URB1: variants seen among roughly 807,000 people sequenced by gnomAD.
URB1 encodes nucleolar pre-ribosomal-associated protein 1.
In URB1, 197 loss-of-function variants were observed where a neutral mutation model predicts 242.3. The ratio of observed to expected loss-of-function variants is 0.81; its 90% CI spans 0.72 to 0.91. The LOEUF (loss-of-function observed/expected upper bound fraction) is 0.91. Ranked by LOEUF, URB1 falls within the 40% of genes least tolerant of loss-of-function variation. The probability of loss-of-function intolerance (pLI) is 0.00; values close to 1 mark genes in which losing one functional copy is unlikely to be tolerated. For synonymous variants in URB1, 1,153 were observed against 1,201.8 expected (o/e 0.96, Z 0.84); for missense variants, 2,721 against 2,860.5 (o/e 0.95, Z 1.11).
rs78380467 is a variant in URB1 at position 32,377,839 on chromosome 21, G to T, written c.664+606C>A. On this transcript the variant is annotated intron_variant, in intron 5 of 38. Coordinates refer to ENST00000382751, the MANE Select transcript of URB1 (RefSeq NM_014825.3). ...GGGACTGCTCCTCACCTCCAGACAG[G>T]CCAGGATTCCAGGGAATCTTACCGA... is the stretch of plus-strand genomic sequence containing the variant. Among the ~76,000 whole-genome samples the T allele has an allele frequency of 7.5e-3, 1,141 of 152,212 alleles. 16 individuals carry two copies. Among genetic ancestry groups the T allele is most frequent in the Middle Eastern group, 0.031 (9 of 294 alleles).
At chr21:32,383,585 G>A (rs1468835487) in intron 3 of URB1, 31 bp from the exon 4 acceptor site, 19 of 1,540,494 alleles carry the variant, frequency 1.2e-5, no homozygotes, top group African/African-American at 4.1e-5. Context: ...AATCGGACAC[G>A]TCAACAACAG....
intron 33 of URB1, 24 bp from the exon 34 acceptor site, chr21:32,321,968 CTG>C (rs1568808341): frequency 1.3e-6 from 2 of 1,548,442 alleles, no homozygotes; most frequent in Non-Finnish European, 1.7e-6. Context: ...ACACAAAAAA[CTG>C]TTGTTAATAA....
intron 1 of URB1, 97 bp downstream of exon 1, chr21:32,392,672 G>T: frequency 7.5e-7 from 1 of 1,331,732 alleles, no homozygotes; most frequent in South Asian, 1.9e-5. Flanking sequence ...GAGCCTATGT[G>T]ACCCGAAAGC....
intron 9 of URB1, among the ~76,000 whole-genome samples, chr21:32,367,933 G>A (rs1568827438): frequency 1.3e-5 from 2 of 152,134 alleles, no homozygotes; most frequent in African/African-American, 2.4e-5. Flanking sequence ...AAGGCAAAAC[G>A]CTATAGAAGA....
intron 5 of URB1, among the ~76,000 whole-genome samples, chr21:32,378,205 A>T (rs75836378): frequency 8.5e-5 from 13 of 152,254 alleles, no homozygotes; most frequent in Non-Finnish European, 1.8e-4. Flanking sequence ...CTGTGACGGC[A>T]TTGTTCAGCA....
At chr21:32,350,465 A>T (rs968671962) in intron 20 of URB1, among the ~76,000 whole-genome samples, 1 of 152,210 alleles carries the variant, frequency 6.6e-6, no homozygotes, top group Admixed American at 6.5e-5. Context: ...CTACTGTAGG[A>T]AGGGCTCTGT....
intron 8 of URB1, among the ~76,000 whole-genome samples, chr21:32,369,598 T>A (rs531525516): frequency 5.9e-5 from 9 of 152,270 alleles, no homozygotes; most frequent in Non-Finnish European, 1.2e-4. Flanking sequence ...TAGCTGGGAC[T>A]AGAGGTGCAC....
chr21:32,337,766 A>G (rs1362734929), intron 26 of URB1, among the ~76,000 whole-genome samples: 3 of 151,398 alleles, frequency 2.0e-5, no homozygotes, highest in African/African-American at 4.9e-5. Context: ...AGCTCAAGCA[A>G]TCCTCCTTGG....
intron 4 of URB1, among the ~76,000 whole-genome samples, chr21:32,381,428 A>T (rs1324201471): frequency 3.5e-5 from 3 of 86,900 alleles, no homozygotes; most frequent in African/African-American, 1.9e-4. Context: ...ATATTCATTA[A>T]AAAAAAAAAA....
At chr21:32,361,156 G>GAAAA (rs145739787) in intron 12 of URB1, 33 bp from the exon 13 acceptor site, 3 of 381,680 alleles carry the variant, frequency 7.9e-6, no homozygotes, top group Non-Finnish European at 1.2e-5. Flanking sequence ...AAGAAAAAGA[G>GAAAA]AAAAAAGAAA....
chr21:32,334,668 G>A (rs1319769708), intron 28 of URB1, among the ~76,000 whole-genome samples: 1 of 152,146 alleles, frequency 6.6e-6, no homozygotes, highest in Non-Finnish European at 1.5e-5. Flanking sequence ...TTGTGCAAAT[G>A]GGGGAAAGAG....
rs1007092500 is a variant in URB1, at chr21:32,359,031, C to A, written c.1869+765G>T. Reference sequence around the variant, plus strand: ...ATGCAGGGAAGCCTCAGAACGGGGACTCGAGGGAGAGACACATAGTCCCAG... The same window carrying A: ...ATGCAGGGAAGCCTCAGAACGGGGAATCGAGGGAGAGACACATAGTCCCAG... On this transcript the variant is annotated intron_variant, in intron 14 of 38. Transcript: ENST00000382751. Among the ~76,000 whole-genome samples the A allele has an allele frequency of 7.2e-5, 11 of 152,168 alleles. 1 individual carries two copies. The highest frequency in any genetic ancestry group is 1.6e-4 in the Non-Finnish European group (11 of 68,038).
chr21:32,388,774 T>C (rs962864239), intron 1 of URB1, among the ~76,000 whole-genome samples: 1 of 152,230 alleles, frequency 6.6e-6, no homozygotes, highest in African/African-American at 2.4e-5. Flanking sequence ...GAATTATTCG[T>C]CAAACTCTAG....
At position 32,392,992 on chromosome 21, in the gene URB1, C is replaced by T. The variant is rs953060266; in HGVS notation, c.-82G>A. ...CACTGGCACAGACAGCAGACACGCG[C>T]TTCAGGCCCACATGGCGCAGGAAGA... On this transcript the variant is annotated 5_prime_UTR_variant, in exon 1 of 39. Transcript: ENST00000382751. The T allele has an allele frequency of 2.9e-5, 41 of 1,404,340 alleles. No individual in the cohort carries two copies. The highest frequency in any genetic ancestry group is 1.1e-4 in the East Asian group (4 of 36,906). The allele number at this position is 1,404,340 out of a possible 1,614,324, so 87.0% of individuals were successfully genotyped here. A position where few individuals can be genotyped will look rare whatever the true frequency, so the allele number is the denominator to read the frequency against.
chr21:32,353,881 C>A, intron 18 of URB1, 52 bp downstream of exon 18: 1 of 1,533,032 alleles, frequency 6.5e-7, no homozygotes, highest in Non-Finnish European at 8.8e-7. Context: ...TCCCACCCTG[C>A]ACAGACTAGC....
intron 10 of URB1, among the ~76,000 whole-genome samples, chr21:32,366,352 C>T (rs1264824513): frequency 6.6e-6 from 1 of 152,172 alleles, no homozygotes; most frequent in Non-Finnish European, 1.5e-5. Context: ...ATGCAGGGGT[C>T]CCTGCTGTGT....
At chr21:32,333,483 A>G in intron 29 of URB1, 64 bp from the exon 30 acceptor site, 1 of 1,245,338 alleles carries the variant, frequency 8.0e-7, no homozygotes. Flanking sequence ...CAGGTTGAGT[A>G]TCTCTTATCT....
At chr21:32,392,674 C>G in intron 1 of URB1, 95 bp downstream of exon 1, 2 of 1,338,294 alleles carry the variant, frequency 1.5e-6, no homozygotes, top group Non-Finnish European at 1.9e-6. Context: ...GCCTATGTGA[C>G]CCGAAAGCTG....
At chr21:32,344,801 CCTT>C (rs1601135011) in intron 23 of URB1, 45 bp from the exon 24 acceptor site, 1 of 1,523,506 alleles carries the variant, frequency 6.6e-7, no homozygotes, top group Non-Finnish European at 8.8e-7. Context: ...AGGTTTAAAT[CCTT>C]CTGACTTTAC....
Sources: allele counts gnomAD v4.1 joint callset (sites outside exome capture counted in the v4.1 genomes callset), GRCh38; gene constraint gnomAD v4.1.1; transcripts MANE v1.5; gene names NCBI Gene and HGNC (gene_info 2026-07-23, HGNC 2026-07-21).